Variants in SPATS1 observed in about 807,000 individuals in gnomAD.
The protein encoded by SPATS1 is spermatogenesis associated serine rich 1, also known as spermatogenesis-associated serine-rich protein 1.
Under a neutral mutation model 33.6 loss-of-function variants are expected in SPATS1, and 23 were observed. The ratio of observed to expected loss-of-function variants is 0.68; its 90% CI spans 0.49 to 0.97. SPATS1 has a LOEUF of 0.97. SPATS1 is among the 50% of genes least tolerant of loss of function. SPATS1 has a pLI of 0.00. For missense variants in SPATS1, 327 were observed against 361.0 expected (o/e 0.91, Z 0.76); for synonymous variants, 131 against 125.6 (o/e 1.04, Z -0.29).
chr6:44,369,142 C>T (rs555184174), intron 6 of SPATS1, among the ~76,000 whole-genome samples: 37 of 152,128 alleles, frequency 2.4e-4, no homozygotes, highest in South Asian at 1.2e-3. Flanking sequence ...GTGATCCGCC[C>T]GCCTTGGCCT....
intron 2 of SPATS1, among the ~76,000 whole-genome samples, chr6:44,349,342 T>C (rs986273408): frequency 2.0e-5 from 3 of 149,118 alleles, no homozygotes; most frequent in Admixed American, 2.0e-4. Context: ...TCAACTCACA[T>C]TTTTATTGAA....
chr6:44,360,568 C>A lies in SPATS1; in HGVS notation c.410C>A (p.Thr137Lys). 6.2e-7 allele frequency: 1 copy of A among 1,614,004 alleles called. No homozygotes were observed. Among genetic ancestry groups the A allele is most frequent in the Non-Finnish European group, 8.5e-7 (1 of 1,179,946 alleles). ...PEEFSLLKLQ[T>K]KDGHRPEWTF... ...GAATTCAGCCTGCTTAAGTTGCAGACGAGTAAGTCACAGACCCTCCTCCAC... is the reference window on the plus strand; with the variant it reads ...GAATTCAGCCTGCTTAAGTTGCAGAAGAGTAAGTCACAGACCCTCCTCCAC... Residue 137 changes from threonine to lysine, a missense_variant and splice_region_variant, in exon 4 of 9, where the codon ACG (threonine) becomes AAG (lysine). By Grantham distance (78) the Thr-to-Lys change is moderately conservative. Coordinates refer to ENST00000674044, the MANE Select transcript of SPATS1 (RefSeq NM_001372081.1).
chr6:44,371,666 C>T (rs1789619818), intron 7 of SPATS1, among the ~76,000 whole-genome samples: 1 of 152,162 alleles, frequency 6.6e-6, no homozygotes, highest in Admixed American at 6.5e-5. Context: ...TGTTTGTGGG[C>T]TGGGCGCGGT....
intron 2 of SPATS1, among the ~76,000 whole-genome samples, chr6:44,348,165 T>A (rs1788016586): frequency 6.6e-6 from 1 of 152,046 alleles, no homozygotes; most frequent in South Asian, 2.1e-4. Flanking sequence ...TGCACCACCA[T>A]GCCCGGCTGA....
At chr6:44,355,380 A>G (rs111538040) in intron 3 of SPATS1, among the ~76,000 whole-genome samples, 180 of 152,274 alleles carry the variant, frequency 1.2e-3, no homozygotes, top group African/African-American at 4.1e-3. Flanking sequence ...TGGATGTACC[A>G]TAGTTTATTT....
intron 3 of SPATS1, among the ~76,000 whole-genome samples, chr6:44,358,675 C>T (rs1477314123): frequency 6.6e-6 from 1 of 152,140 alleles, no homozygotes; most frequent in Middle Eastern, 3.2e-3. Context: ...TTCATCACCA[C>T]AAAAAGAAAT....
intron 7 of SPATS1, among the ~76,000 whole-genome samples, chr6:44,374,209 T>C (rs948048814): frequency 3.9e-5 from 6 of 152,236 alleles, no homozygotes; most frequent in Non-Finnish European, 7.3e-5. Context: ...TTAATCAGGA[T>C]GGAAAGTTAG....
chr6:44,368,328 G>T (rs752906716), intron 5 of SPATS1, 51 bp from the exon 6 acceptor site: 3 of 1,586,238 alleles, frequency 1.9e-6, no homozygotes, highest in Non-Finnish European at 2.6e-6. Flanking sequence ...CAGCAAATCT[G>T]TGGATCATCT....
chr6:44,371,266 C>A (rs1256455788), intron 7 of SPATS1, among the ~76,000 whole-genome samples: 11 of 151,050 alleles, frequency 7.3e-5, no homozygotes, highest in African/African-American at 2.7e-4. Context: ...GCTATGCACT[C>A]CAGCCTAGGT....
chr6:44,361,761 G>A, intron 4 of SPATS1, 70 bp from the exon 5 acceptor site: 1 of 1,600,628 alleles, frequency 6.2e-7, no homozygotes, highest in Non-Finnish European at 8.6e-7. Flanking sequence ...AGTTTTCACA[G>A]CTTTTTGTCA....
chr6:44,364,950 C>T (rs1033307359), intron 5 of SPATS1, among the ~76,000 whole-genome samples: 5 of 151,982 alleles, frequency 3.3e-5, no homozygotes, highest in Admixed American at 6.6e-5. Context: ...CCACCACTGC[C>T]GGCTAATTCT....
chr6:44,365,239 C>T (rs1697263192), intron 5 of SPATS1, among the ~76,000 whole-genome samples: 1 of 152,166 alleles, frequency 6.6e-6, no homozygotes, highest in African/African-American at 2.4e-5. Context: ...TCAGCCATAA[C>T]CAGGATATTG....
chr6:44,376,913 T>C, intron 8 of SPATS1, 122 bp from the exon 9 acceptor site: 1 of 1,090,438 alleles, frequency 9.2e-7, no homozygotes. Context: ...GGATGTGTCT[T>C]CTGTCCCGAG....
Position 44,368,467 on chromosome 6 carries a change from A to C in SPATS1, c.663A>C (p.Ala221=). ...AACAGAGTAAAGGCTTCCACAAAGC[A>C]GGATCAATGCTCCCACCAGTGAATT... ...YPEQSKGFHK[A]GSMLPPVNFS... The change falls in exon 6 of 9, where the codon GCA becomes GCC. Residue 221 remains alanine, a synonymous_variant. Transcript: ENST00000674044. 6.2e-7 allele frequency: 1 copy of C among 1,613,232 alleles called. No homozygotes were observed. Among genetic ancestry groups the C allele is most frequent in the South Asian group, 1.1e-5 (1 of 90,942 alleles).
At chr6:44,361,655 T>C in intron 4 of SPATS1, 176 bp from the exon 5 acceptor site, 6 of 741,506 alleles carry the variant, frequency 8.1e-6, no homozygotes, top group Non-Finnish European at 9.9e-6. Context: ...TCCCTTCCTT[T>C]TGTGTCTAGT....
In SPATS1 at chr6:44,379,003, G is replaced by C. The variant is rs1790089042; in HGVS notation, c.*1940G>C. 6.6e-6 allele frequency: 1 copy of C among 152,044 alleles called. No homozygotes were observed. The allele number at this position is 152,044 out of a possible 1,614,324, so 9.4% of individuals were successfully genotyped here. On this transcript the variant is annotated 3_prime_UTR_variant, in exon 9 of 9. Transcript: ENST00000674044. ...CCAAATAATTTTTAAAAAGACAGAG[G>C]CTGCCAAGAGATTTTCCAGGACACA... is the stretch of plus-strand genomic sequence containing the variant.
At chr6:44,347,252 A>T (rs533455747) in intron 2 of SPATS1, among the ~76,000 whole-genome samples, 1 of 152,310 alleles carries the variant, frequency 6.6e-6, no homozygotes, top group South Asian at 2.1e-4. Context: ...GAAGGATAGC[A>T]TTAGGAGAAA....
Position 44,352,595 on chromosome 6 carries a change from T to C in SPATS1, c.140-131T>C, listed in dbSNP as rs1370985583. On this transcript the variant is annotated intron_variant, in intron 2 of 8. Coordinates refer to ENST00000674044, the MANE Select transcript of SPATS1 (RefSeq NM_001372081.1). Reference sequence around the variant, plus strand: ...AATAATATGTGTAAAGGTGTTGACATAATCCTCAGTGCACAGTAAATGTTC... The same window carrying C: ...AATAATATGTGTAAAGGTGTTGACACAATCCTCAGTGCACAGTAAATGTTC... 5 of 769,954 alleles carry C rather than the reference T, an allele frequency of 6.5e-6. No individual in the cohort carries two copies. The Admixed American group carries it at 1.2e-4, about 19-fold the overall frequency. The allele number at this position is 769,954 out of a possible 1,614,324, so 47.7% of individuals were successfully genotyped here.
At chr6:44,362,573 T>A (rs1351947209) in intron 5 of SPATS1, among the ~76,000 whole-genome samples, 2 of 152,250 alleles carry the variant, frequency 1.3e-5, no homozygotes, top group Non-Finnish European at 2.9e-5. Flanking sequence ...TGACCATTTA[T>A]GACACATTTT....
Sources: allele counts gnomAD v4.1 joint callset (sites outside exome capture counted in the v4.1 genomes callset), GRCh38; gene constraint gnomAD v4.1.1; transcripts MANE v1.5; gene names NCBI Gene and HGNC (gene_info 2026-07-23, HGNC 2026-07-21).